The following TBC1D2B variants were observed in gnomAD, a reference collection of about 807,000 sequenced individuals.
TBC1D2B encodes the protein TBC1 domain family, member 2B.
In TBC1D2B, 64 loss-of-function variants were observed where a neutral mutation model predicts 100.8. The ratio of observed to expected loss-of-function variants is 0.64; its 90% confidence interval spans 0.52 to 0.78. The LOEUF is 0.78. Among genes scored for constraint, TBC1D2B ranks in the 30% least tolerant of loss-of-function variants. TBC1D2B has a pLI of 0.00. For missense variants in TBC1D2B, 1,052 were observed against 1,218.4 expected, an observed-to-expected ratio of 0.86 and a Z score of 2.03; for synonymous variants, 480 against 479.7, an observed-to-expected ratio of 1.00 and a Z score of -0.01.
chr15:78,005,596 T>G (rs904837498), intron 10 of TBC1D2B, among the ~76,000 whole-genome samples: 7 of 152,190 alleles, frequency 4.6e-5, no homozygotes, highest in African/African-American at 1.7e-4. Flanking sequence ...GTACACAGTA[T>G]AAAATGACAT....
rs1399556603 is a variant in TBC1D2B, at chr15:77,997,786, G to C, written c.*374C>G. 1 of 175,780 alleles carries C rather than the reference G, an allele frequency of 5.7e-6. No individual in the cohort carries two copies. Among genetic ancestry groups the C allele is most frequent in the Non-Finnish European group, 1.2e-5 (1 of 83,814 alleles). 10.9% of individuals were successfully genotyped at this position (175,780 alleles called of 1,614,324 possible). A position where few individuals can be genotyped will look rare whatever the true frequency, so the allele number is the denominator to read the frequency against. On this transcript the variant is annotated 3_prime_UTR_variant, in exon 13 of 13. Coordinates refer to ENST00000300584, the MANE Select transcript of TBC1D2B (RefSeq NM_144572.2). ...AAAACCACACACCACTGCCCACTAT[G>C]TACAGGAGAGAGAATATGGGGAGAT...
At chr15:78,031,807 A>T (rs1422403123) in intron 3 of TBC1D2B, among the ~76,000 whole-genome samples, 1 of 152,200 alleles carries the variant, frequency 6.6e-6, no homozygotes, top group Non-Finnish European at 1.5e-5. Flanking sequence ...TGAAAAAAAA[A>T]TTAAAAATAC....
chr15:78,049,269 C>G (rs887170394), intron 2 of TBC1D2B, among the ~76,000 whole-genome samples: 1 of 152,224 alleles, frequency 6.6e-6, no homozygotes, highest in African/African-American at 2.4e-5. Flanking sequence ...AAGGACACAA[C>G]TCTGTGAGAA....
At chr15:78,031,665 G>A (rs1415861809) in intron 3 of TBC1D2B, among the ~76,000 whole-genome samples, 1 of 151,254 alleles carries the variant, frequency 6.6e-6, no homozygotes, top group African/African-American at 2.4e-5. Flanking sequence ...GGCTATCTGA[G>A]TAATCAATAT....
intron 1 of TBC1D2B, among the ~76,000 whole-genome samples, chr15:78,076,696 A>T (rs1469990095): frequency 1.3e-5 from 2 of 152,150 alleles, no homozygotes; most frequent in Admixed American, 1.3e-4. Context: ...GGCTGCAGTG[A>T]GCCGAGATCG....
At chr15:78,046,133 T>C (rs1054413605) in intron 2 of TBC1D2B, among the ~76,000 whole-genome samples, 5 of 152,186 alleles carry the variant, frequency 3.3e-5, no homozygotes, top group Non-Finnish European at 5.9e-5. Flanking sequence ...GGTTTCACCA[T>C]GTTGGCCAGG....
chr15:78,000,336 C>G (rs1009751079), intron 12 of TBC1D2B, among the ~76,000 whole-genome samples: 1 of 152,240 alleles, frequency 6.6e-6, no homozygotes, highest in Non-Finnish European at 1.5e-5. Flanking sequence ...TCCGCTCCTC[C>G]TGGCAGCGCC....
chr15:78,014,992 G>A (rs2072332101), intron 8 of TBC1D2B, among the ~76,000 whole-genome samples: 1 of 152,166 alleles, frequency 6.6e-6, no homozygotes, highest in Non-Finnish European at 1.5e-5. Flanking sequence ...ACAAGGTCAG[G>A]AGATCGAGAC....
intron 1 of TBC1D2B, among the ~76,000 whole-genome samples, chr15:78,076,717 C>T (rs950188801): frequency 6.6e-6 from 1 of 152,226 alleles, no homozygotes; most frequent in Non-Finnish European, 1.5e-5. Context: ...CACCCCTGCA[C>T]TCCAGCCTGG....
At chr15:78,012,221 G>A (rs2072249578) in intron 9 of TBC1D2B, among the ~76,000 whole-genome samples, 1 of 152,202 alleles carries the variant, frequency 6.6e-6, no homozygotes, top group Non-Finnish European at 1.5e-5. Flanking sequence ...AGAGCTTTGT[G>A]GGGAGCAAAC....
chr15:78,000,421 C>CCTGT (rs2071881634), intron 12 of TBC1D2B, among the ~76,000 whole-genome samples: 5 of 152,244 alleles, frequency 3.3e-5, no homozygotes, highest in Admixed American at 3.3e-4. Context: ...GAGCTCACTC[C>CCTGT]CTGTCACTCT....
chr15:78,075,466 G>A (rs992691692), intron 1 of TBC1D2B, among the ~76,000 whole-genome samples: 1 of 152,092 alleles, frequency 6.6e-6, no homozygotes, highest in Admixed American at 6.6e-5. Context: ...CCAAAGTGCT[G>A]GGATTACAGG....
chr15:78,029,470 A>T (rs2028546), intron 4 of TBC1D2B, among the ~76,000 whole-genome samples: 76,041 of 152,186 alleles, frequency 0.5, 20,006 homozygotes, highest in East Asian at 0.63. Flanking sequence ...GTAACTATAA[A>T]TATAATAAAG....
At chr15:78,030,294 G>A (rs1348363626) in intron 3 of TBC1D2B, 124 bp from the exon 4 acceptor site, 2 of 804,874 alleles carry the variant, frequency 2.5e-6, no homozygotes, top group Admixed American at 3.2e-5. Context: ...AGGATACGGA[G>A]AAATGGGGAT....
chr15:78,013,260 C>A lies in TBC1D2B; in HGVS notation c.1833G>T (p.Leu611Phe). 1 of 1,613,954 alleles carries A rather than the reference C, an allele frequency of 6.2e-7. No homozygotes were observed. The highest frequency in any genetic ancestry group is 8.5e-7 in the Non-Finnish European group (1 of 1,179,876). Residue 611 changes from leucine (L) to phenylalanine (F), a missense_variant, in exon 9 of 13, where the codon TTG (leucine) becomes TTT (phenylalanine). Leu to Phe is a conservative substitution (Grantham distance 22). Around this residue, in one of 4 missense-constraint regions of TBC1D2B, gnomAD observed 373 missense variants for 464.9 expected, o/e 0.80. Transcript: ENST00000300584. ...TVPEDDEEEK[L>F]VAKVRALDLK... Reference sequence around the variant, plus strand: ...GATCCAACGCGCGGACCTTGGCAACCAATTTCTCTTCCTCATCATCCTCAG... The same window carrying A: ...GATCCAACGCGCGGACCTTGGCAACAAATTTCTCTTCCTCATCATCCTCAG...
chr15:78,076,194 C>T (rs2073826056), intron 1 of TBC1D2B, among the ~76,000 whole-genome samples: 1 of 152,164 alleles, frequency 6.6e-6, no homozygotes, highest in South Asian at 2.1e-4. Context: ...CCTTTCAGCA[C>T]CAGGACTCCT....
chr15:78,016,441 A>G, intron 8 of TBC1D2B, 105 bp downstream of exon 8: 2 of 1,068,004 alleles, frequency 1.9e-6, no homozygotes, highest in Non-Finnish European at 2.7e-6. Flanking sequence ...TGAGCACCAA[A>G]TGAGACACAC....
intron 10 of TBC1D2B, among the ~76,000 whole-genome samples, chr15:78,008,246 A>ACT (rs1317971096): frequency 1.3e-5 from 2 of 152,060 alleles, no homozygotes; most frequent in African/African-American, 4.8e-5. Flanking sequence ...AGCCCTTATC[A>ACT]CTCTGCCCTG....
chr15:78,000,964 T>C (rs758886282), intron 12 of TBC1D2B, among the ~76,000 whole-genome samples: 23 of 152,348 alleles, frequency 1.5e-4, no homozygotes, highest in Middle Eastern at 6.8e-3. Flanking sequence ...TGTCTGTCTC[T>C]TGCCTAACCC....
Sources: allele counts gnomAD v4.1 joint callset (sites outside exome capture counted in the v4.1 genomes callset), GRCh38; gene constraint gnomAD v4.1.1; regional missense constraint gnomAD v4.1.1; transcripts MANE v1.5; gene names NCBI Gene and HGNC (gene_info 2026-07-23, HGNC 2026-07-21).